The following LIMS1 variants were observed in gnomAD, a reference collection of about 807,000 sequenced individuals.
LIMS1 encodes the protein LIM zinc finger domain containing 1.
A neutral mutation model predicts 44.1 loss-of-function variants in LIMS1; 18 were observed. The ratio of observed to expected loss-of-function variants is 0.41; its 90% CI spans 0.28 to 0.61. The LOEUF (loss-of-function observed/expected upper bound fraction) is 0.61, where lower values mean the gene tolerates loss of function less well. LIMS1 is among the 20% of genes least tolerant of loss of function. The probability of loss-of-function intolerance (pLI) is 0.32; values close to 1 mark genes in which losing one functional copy is unlikely to be tolerated. For missense variants in LIMS1, 201 were observed against 422.0 expected (o/e 0.48, Z 4.59); for synonymous variants, 93 against 149.1 (o/e 0.62, Z 2.74).
chr2:108,679,529 C>G (rs553623371), intron 8 of LIMS1, among the ~76,000 whole-genome samples: 1 of 152,120 alleles, frequency 6.6e-6, no homozygotes, highest in South Asian at 2.1e-4. Context: ...AGGTTATATG[C>G]ATTTTATATC....
intron 1 of LIMS1, among the ~76,000 whole-genome samples, chr2:108,550,331 T>C (rs1384934908): frequency 1.3e-5 from 2 of 149,862 alleles, no homozygotes; most frequent in East Asian, 3.9e-4. Context: ...CCATCTCTAC[T>C]ATAAATACAA....
intron 1 of LIMS1, among the ~76,000 whole-genome samples, chr2:108,600,845 G>A (rs1686968018): frequency 6.6e-6 from 1 of 151,388 alleles, no homozygotes; most frequent in Non-Finnish European, 1.5e-5. Flanking sequence ...GATAGCTTTG[G>A]CTATTCAGCT....
At chr2:108,670,984 A>G in intron 3 of LIMS1, 137 bp downstream of exon 3, 1 of 1,098,242 alleles carries the variant, frequency 9.1e-7, no homozygotes, top group Non-Finnish European at 1.4e-6. Context: ...CAGCCTGGCC[A>G]ACGTAGGGAA....
At chr2:108,664,998 A>T (rs1364346075) in intron 2 of LIMS1, among the ~76,000 whole-genome samples, 1 of 152,232 alleles carries the variant, frequency 6.6e-6, no homozygotes. Flanking sequence ...TAATTGCTCC[A>T]GGATACCCAT....
At chr2:108,627,618 A>C (rs1449228820) in intron 1 of LIMS1, among the ~76,000 whole-genome samples, 2 of 152,184 alleles carry the variant, frequency 1.3e-5, no homozygotes, top group East Asian at 3.8e-4. Flanking sequence ...TAAATTACTT[A>C]TAAAAGTCAG....
At chr2:108,637,097 A>ATGTGTG (rs749792879) in intron 1 of LIMS1, among the ~76,000 whole-genome samples, 33 of 132,128 alleles carry the variant, frequency 2.5e-4, no homozygotes, top group East Asian at 6.4e-4. Flanking sequence ...AAATATACAT[A>ATGTGTG]TATGTGTGTG....
intron 1 of LIMS1, among the ~76,000 whole-genome samples, chr2:108,539,774 G>A (rs1333665467): frequency 6.6e-6 from 1 of 152,078 alleles, no homozygotes; most frequent in Non-Finnish European, 1.5e-5. Context: ...CATAGTAGAT[G>A]CTCAATGAAG....
intron 1 of LIMS1, among the ~76,000 whole-genome samples, chr2:108,633,845 A>C (rs991641824): frequency 1.3e-5 from 2 of 152,228 alleles, no homozygotes; most frequent in Non-Finnish European, 2.9e-5. Flanking sequence ...TTAAATGATA[A>C]GAAATTTACA....
intron 9 of LIMS1, chr2:108,681,166 T>C (rs1692969059): frequency 3.1e-6 from 4 of 1,270,078 alleles, no homozygotes; most frequent in Non-Finnish European, 4.0e-6. Context: ...CTTTGGTTAG[T>C]CCTTTGGAAT....
At chr2:108,663,600 A>G (rs1691523391) in intron 2 of LIMS1, among the ~76,000 whole-genome samples, 1 of 152,192 alleles carries the variant, frequency 6.6e-6, no homozygotes, top group African/African-American at 2.4e-5. Context: ...CCTGGTGTGC[A>G]GCTGATTAAC....
At chr2:108,650,865 C>T (rs75049017) in intron 1 of LIMS1, among the ~76,000 whole-genome samples, 4 of 56,552 alleles carry the variant, frequency 7.1e-5, no homozygotes, top group South Asian at 8.5e-4. Flanking sequence ...TTTATTTATT[C>T]ATTCATTCAT....
At chr2:108,615,223 A>G (rs1687865572) in intron 1 of LIMS1, among the ~76,000 whole-genome samples, 1 of 152,244 alleles carries the variant, frequency 6.6e-6, no homozygotes, top group African/African-American at 2.4e-5. Context: ...ATTTGTGAAG[A>G]GTACCACTAG....
chr2:108,564,041 CAAAAAA>C (rs201454363), intron 1 of LIMS1, among the ~76,000 whole-genome samples: 13 of 92,386 alleles, frequency 1.4e-4, no homozygotes, highest in Admixed American at 6.3e-4. Context: ...GACCCTGTCT[CAAAAAA>C]AAAAAAAAAA....
intron 9 of LIMS1, among the ~76,000 whole-genome samples, chr2:108,681,911 C>G (rs951620182): frequency 3.3e-5 from 5 of 151,650 alleles, no homozygotes; most frequent in African/African-American, 1.2e-4. Context: ...AAAAATCTTT[C>G]AGCATGTTTC....
intron 1 of LIMS1, among the ~76,000 whole-genome samples, chr2:108,649,270 A>G (rs963637029): frequency 6.6e-6 from 1 of 152,236 alleles, no homozygotes; most frequent in African/African-American, 2.4e-5. Context: ...CAAAACCACA[A>G]TGAGATACCA....
intron 1 of LIMS1, among the ~76,000 whole-genome samples, chr2:108,607,787 A>G (rs1687355988): frequency 6.6e-6 from 1 of 152,112 alleles, no homozygotes; most frequent in African/African-American, 2.4e-5. Flanking sequence ...TATGATTTTA[A>G]TATTGGTTAT....
intron 1 of LIMS1, among the ~76,000 whole-genome samples, chr2:108,646,073 A>G (rs907111122): frequency 2.0e-5 from 3 of 152,212 alleles, no homozygotes; most frequent in African/African-American, 7.2e-5. Context: ...CCCACTGTCA[A>G]TATTAGATCA....
chr2:108,608,454 C>T (rs1460032783), intron 1 of LIMS1, among the ~76,000 whole-genome samples: 2 of 151,934 alleles, frequency 1.3e-5, no homozygotes, highest in Non-Finnish European at 2.9e-5. Context: ...TATAGGCGCC[C>T]GCCACCACAC....
chr2:108,652,233 A>G (rs1399794137), intron 1 of LIMS1, among the ~76,000 whole-genome samples: 2 of 152,254 alleles, frequency 1.3e-5, no homozygotes, highest in African/African-American at 4.8e-5. Context: ...ATAAAAATAT[A>G]TTCAATACAG....
Sources: allele counts gnomAD v4.1 joint callset (sites outside exome capture counted in the v4.1 genomes callset), GRCh38; gene constraint gnomAD v4.1.1; transcripts MANE v1.5; gene names NCBI Gene and HGNC (gene_info 2026-07-23, HGNC 2026-07-21).